Variants in ZNF665 observed in about 807,000 individuals in gnomAD.
ZNF665 encodes zinc finger protein 665.
In ZNF665, 6 loss-of-function variants were observed where a neutral mutation model predicts 7.9. The ratio of observed to expected loss-of-function variants is 0.76; its 90% CI spans 0.42 to 1.50. The LOEUF (loss-of-function observed/expected upper bound fraction) is 1.50, where lower values mean the gene tolerates loss of function less well. Among genes scored for constraint, ZNF665 ranks in the 40% most tolerant of loss-of-function variants. The pLI, the probability that ZNF665 is intolerant of heterozygous loss-of-function variation, is 0.01. For synonymous variants in ZNF665, 242 were observed against 274.5 expected (o/e 0.88, Z 1.17); for missense variants, 819 against 806.7 (o/e 1.02, Z -0.18).
chr19:53,168,859 T>G (rs941939475), intron 3 of ZNF665, among the ~76,000 whole-genome samples: 9 of 152,150 alleles, frequency 5.9e-5, no homozygotes, highest in Admixed American at 5.2e-4. Flanking sequence ...ACAGTCTTTT[T>G]AAAAAATGGT....
At position 53,164,807 on chromosome 19, in the gene ZNF665, C is replaced by T; in HGVS notation, c.1683G>A (p.Gln561=). 6.2e-7 allele frequency: 1 copy of T among 1,614,144 alleles called. No individual in the cohort carries two copies. Among genetic ancestry groups the T allele is most frequent in the Non-Finnish European group, 8.5e-7 (1 of 1,180,010 alleles). The part of the protein sequence containing the change: ...FRHNSYLAIH[Q]RIHTGEKPYK... ...AAGGTTTCTCACCAGTGTGAATTCT[C>T]TGATGAATTGCAAGGTACGAATTGT... The change falls in exon 4 of 4, where the codon CAG becomes CAA. Residue 561 remains glutamine, a synonymous_variant. Transcript: ENST00000396424.
intron 1 of ZNF665, among the ~76,000 whole-genome samples, chr19:53,183,552 C>T (rs2090754479): frequency 6.6e-6 from 1 of 151,198 alleles, no homozygotes; most frequent in Admixed American, 6.6e-5. Flanking sequence ...CCCTGGGGGC[C>T]TTGTCATCAG....
At chr19:53,184,735 C>A (rs557943991) in intron 1 of ZNF665, among the ~76,000 whole-genome samples, 1 of 152,096 alleles carries the variant, frequency 6.6e-6, no homozygotes, top group Admixed American at 6.5e-5. Context: ...CAGCTGGGCC[C>A]GGGGGACCAC....
rs185879478 is a variant in ZNF665, at chr19:53,166,283, C to G, written c.207G>C (p.Ala69=). Residue 69 remains alanine (A), a synonymous_variant, in exon 4 of 4, where the codon GCG becomes GCC. Coordinates refer to ENST00000396424, the MANE Select transcript of ZNF665 (RefSeq NM_024733.5). ...PPKGKNNMGE[A]FYTVKLERLE... Reference sequence around the variant, plus strand: ...GTCTCTCCAACTTCACCGTGTAGAACGCTTCTCCCATATTGTTCTTCCCCT... The same window carrying G: ...GTCTCTCCAACTTCACCGTGTAGAAGGCTTCTCCCATATTGTTCTTCCCCT... 1.5e-4 allele frequency: 249 copies of G among 1,611,820 alleles called. No individual in the cohort carries two copies. In the African/African-American group the frequency reaches 2.5e-3, roughly 16 times the overall value.
At chr19:53,175,785 T>C (rs1478231958) in intron 2 of ZNF665, among the ~76,000 whole-genome samples, 1 of 152,170 alleles carries the variant, frequency 6.6e-6, no homozygotes, top group Non-Finnish European at 1.5e-5. Flanking sequence ...TATCTTTTTG[T>C]ATGTCAGTGA....
At chr19:53,192,710 G>A (rs2090826415) in intron 1 of ZNF665, among the ~76,000 whole-genome samples, 1 of 152,156 alleles carries the variant, frequency 6.6e-6, no homozygotes, top group Non-Finnish European at 1.5e-5. Flanking sequence ...CCTGGATCCT[G>A]GAGGAGCACA....
Position 53,165,604 on chromosome 19 carries a change from C to G in ZNF665, c.886G>C (p.Gly296Arg), listed in dbSNP as rs2090605663. The change falls in exon 4 of 4, where the codon GGC (glycine) becomes CGC (arginine). Residue 296 changes from glycine to arginine, a missense_variant. Physicochemically the swap from Gly to Arg is moderately radical, Grantham distance 125. Coordinates refer to ENST00000396424, the MANE Select transcript of ZNF665 (RefSeq NM_024733.5). Reference protein sequence around the residue: ...GEKPYKCKECGKCFTQNSHLA... With the variant: ...GEKPYKCKECRKCFTQNSHLA... ...TGTGAATTTTGAGTGAAGCACTTGC[C>G]ACATTCCTTACATTTGTAAGGTTTT... 4 of 1,614,110 alleles carry G rather than the reference C, an allele frequency of 2.5e-6. No individual in the cohort carries two copies. In the East Asian group the frequency reaches 8.9e-5, roughly 36 times the overall value.
rs200767932 is a variant in ZNF665, at chr19:53,175,938, A to G, written c.16-367T>C. Among the ~76,000 whole-genome samples, 20 of 152,284 alleles carry G rather than the reference A, an allele frequency of 1.3e-4. No homozygotes were observed. The East Asian group carries it at 3.7e-3, about 28-fold the overall frequency. On this transcript the variant is annotated intron_variant, in intron 2 of 3. Coordinates refer to ENST00000396424, the MANE Select transcript of ZNF665 (RefSeq NM_024733.5). ...CACTTTGGGAGGCCAAGGCCAGTGG[A>G]TCACTTGAGGTCAGGAGTTTGAGAC...
rs374494188 is a variant in ZNF665, at chr19:53,165,408, A to C, written c.1082T>G (p.Leu361Arg). ...AGTATGAATTCGCCGATGCTTTGCA[A>C]GGTATGAATTGTGCCTGAAGACCTT... is the stretch of plus-strand genomic sequence containing the variant. ...CGKVFRHNSY[L>R]AKHRRIHTGE... is the part of the protein sequence containing the mutation. Residue 361 changes from leucine to arginine, a missense_variant, in exon 4 of 4, where the codon CTT (leucine) becomes CGT (arginine). Coordinates refer to ENST00000396424, the MANE Select transcript of ZNF665 (RefSeq NM_024733.5). 2 of 1,613,478 alleles carry C rather than the reference A, an allele frequency of 1.2e-6. No individual in the cohort carries two copies. The highest frequency in any genetic ancestry group is 1.7e-6 in the Non-Finnish European group (2 of 1,179,476).
rs1258675308 is a variant in ZNF665, at chr19:53,168,090, AGAAAGAAAAGAG to A, written c.143-1755_143-1744del. 1.1e-4 allele frequency among the ~76,000 whole-genome samples: 16 copies of A among 150,180 alleles called. No individual in the cohort carries two copies. In the East Asian group the frequency reaches 3.1e-3, roughly 29 times the overall value. On this transcript the variant is annotated intron_variant, in intron 3 of 3. Coordinates refer to ENST00000396424, the MANE Select transcript of ZNF665 (RefSeq NM_024733.5). ...AAAAAAAAAAAAAAAAAAGAAAGAA[AGAAAGAAAAGAG>A]GAGTTCTACTTCAGAACCAGCACAG...
chr19:53,166,822 T>G (rs1414267933), intron 3 of ZNF665, among the ~76,000 whole-genome samples: 1 of 152,150 alleles, frequency 6.6e-6, no homozygotes, highest in Non-Finnish European at 1.5e-5. Context: ...AAAGAACTAG[T>G]AATTTTGAAT....
intron 1 of ZNF665, among the ~76,000 whole-genome samples, chr19:53,185,270 T>C (rs1038338201): frequency 2.0e-5 from 3 of 151,890 alleles, no homozygotes; most frequent in African/African-American, 4.8e-5. Context: ...CACGGTCCGC[T>C]TGGCAACGGA....
intron 1 of ZNF665, among the ~76,000 whole-genome samples, chr19:53,189,368 C>T (rs930337058): frequency 1.4e-4 from 21 of 151,326 alleles, no homozygotes; most frequent in African/African-American, 4.9e-4. Context: ...CCCCGAATGT[C>T]TGGCTGCGCT....
At chr19:53,180,569 T>TA (rs2090730866) in intron 2 of ZNF665, 1 of 152,218 alleles carries the variant, frequency 6.6e-6, no homozygotes. Context: ...TGCATCTACA[T>TA]ATTCATGTGT....
chr19:53,165,743 A>G lies in ZNF665; in HGVS notation c.747T>C (p.Leu249=). Residue 249 remains leucine (L), a synonymous_variant, in exon 4 of 4, where the codon CTT becomes CTC. Coordinates refer to ENST00000396424, the MANE Select transcript of ZNF665 (RefSeq NM_024733.5). ...CGKVFSQPSN[L]AGHQRIHTGE... is the part of the protein sequence containing the mutation. ...CAGTATGAATTCTCTGATGACCTGC[A>G]AGGTTTGAAGGTTGACTGAAGACCT... The G allele has an allele frequency of 5.0e-6, 8 of 1,613,660 alleles. No individual in the cohort carries two copies. The highest frequency in any genetic ancestry group is 6.8e-6 in the Non-Finnish European group (8 of 1,179,968).
chr19:53,183,778 C>A (rs1193920744), intron 1 of ZNF665, among the ~76,000 whole-genome samples: 1 of 152,092 alleles, frequency 6.6e-6, no homozygotes, highest in African/African-American at 2.4e-5. Context: ...GGCAGAGGGA[C>A]CACCCATGTG....
chr19:53,167,719 T>C (rs2090627097), intron 3 of ZNF665, among the ~76,000 whole-genome samples: 1 of 148,916 alleles, frequency 6.7e-6, no homozygotes, highest in Non-Finnish European at 1.5e-5. Context: ...GTGCTGGGAT[T>C]ACAGGCGTAA....
rs190129664 is a variant in ZNF665, at chr19:53,168,561, C to G, written c.143-2214G>C. On this transcript the variant is annotated intron_variant, in intron 3 of 3. Transcript: ENST00000396424. ...GCCTATTGATTCAACACAATCCCAACCAAAATTCCAGCATGTATTTTTTGA... is the reference window on the plus strand; with the variant it reads ...GCCTATTGATTCAACACAATCCCAAGCAAAATTCCAGCATGTATTTTTTGA... 2.3e-4 allele frequency among the ~76,000 whole-genome samples: 35 copies of G among 152,280 alleles called. 1 individual carries two copies. In the East Asian group the frequency reaches 5.0e-3, roughly 22 times the overall value.
chr19:53,171,823 C>T (rs995152337), intron 3 of ZNF665, among the ~76,000 whole-genome samples: 9 of 150,778 alleles, frequency 6.0e-5, no homozygotes, highest in Non-Finnish European at 1.0e-4. Context: ...GGTGTGATCT[C>T]GGCTCACTGC....
Sources: allele counts gnomAD v4.1 joint callset (sites outside exome capture counted in the v4.1 genomes callset), GRCh38; gene constraint gnomAD v4.1.1; transcripts MANE v1.5; gene names NCBI Gene and HGNC (gene_info 2026-07-23, HGNC 2026-07-21).